UVRAG: variants seen among roughly 807,000 people sequenced by gnomAD.
UVRAG encodes the protein UV radiation resistance-associated gene protein.
Under a neutral mutation model 78.0 loss-of-function variants are expected in UVRAG, and 19 were observed. That is an observed-to-expected ratio of 0.24 (90% CI 0.17 to 0.36). The LOEUF (loss-of-function observed/expected upper bound fraction) is 0.36, where lower values mean the gene tolerates loss of function less well. Among genes scored for constraint, UVRAG ranks in the 10% least tolerant of loss-of-function variants. The pLI is 1.00. For missense variants in UVRAG, 740 were observed against 853.8 expected, an observed-to-expected ratio of 0.87 and a Z score of 1.66; for synonymous variants, 323 against 324.6, an observed-to-expected ratio of 1.00 and a Z score of 0.05.
In UVRAG at chr11:76,141,567, G is replaced by C; in HGVS notation, c.*154G>C. 1.2e-6 allele frequency: 1 copy of C among 819,642 alleles called. No homozygotes were observed. The highest frequency in any genetic ancestry group is 1.8e-6 in the Non-Finnish European group (1 of 542,044). The allele number at this position is 819,642 out of a possible 1,614,324, so 50.8% of individuals were successfully genotyped here. On this transcript the variant is annotated 3_prime_UTR_variant, in exon 15 of 15. Coordinates refer to ENST00000356136, the MANE Select transcript of UVRAG (RefSeq NM_003369.4). ...ACTTTGGGAATGAAGGAGGGACTCA[G>C]GATCATTGTTATCAGTGGGCCAAAG...
At chr11:76,009,752 C>A (rs1440014167) in intron 11 of UVRAG, among the ~76,000 whole-genome samples, 1 of 152,118 alleles carries the variant, frequency 6.6e-6, no homozygotes, top group Non-Finnish European at 1.5e-5. Context: ...GAGTGATAAA[C>A]CAGGAGTTGG....
chr11:75,818,327 GT>G (rs879630088), intron 1 of UVRAG, among the ~76,000 whole-genome samples: 26 of 145,272 alleles, frequency 1.8e-4, no homozygotes, highest in Non-Finnish European at 3.0e-4. Flanking sequence ...TATGTCTAAT[GT>G]TTTTTTTTTA....
At chr11:75,980,930 C>T (rs931128690) in intron 7 of UVRAG, among the ~76,000 whole-genome samples, 6 of 152,098 alleles carry the variant, frequency 3.9e-5, no homozygotes, top group African/African-American at 9.7e-5. Flanking sequence ...ATCCACGTGC[C>T]TCAGTCTCCC....
intron 4 of UVRAG, among the ~76,000 whole-genome samples, chr11:75,884,837 G>A (rs1360556502): frequency 1.3e-5 from 2 of 151,942 alleles, no homozygotes; most frequent in Non-Finnish European, 2.9e-5. Context: ...CTTCAACTTT[G>A]TTCTTTTTTC....
intron 13 of UVRAG, among the ~76,000 whole-genome samples, chr11:76,081,899 C>A (rs1057471377): frequency 7.1e-6 from 1 of 141,268 alleles, no homozygotes; most frequent in South Asian, 2.2e-4. Context: ...ATGATAGGGA[C>A]GAATTTCACC....
chr11:76,008,820 AT>A lies in UVRAG; in HGVS notation c.1015del (p.Tyr339ThrfsTer35). The A allele has an allele frequency of 6.8e-7, 1 of 1,480,480 alleles. No homozygotes were observed. Among genetic ancestry groups the A allele is most frequent in the Non-Finnish European group, 9.1e-7 (1 of 1,097,778 alleles). The allele number at this position is 1,480,480 out of a possible 1,614,324, so 91.7% of individuals were successfully genotyped here. Reference sequence around the variant, plus strand: ...TTAAATTCACAGAATGAACATAAGGATTACTTTGTATGCGGTGTCAAGTTGC... The same window carrying A: ...TTAAATTCACAGAATGAACATAAGGATACTTTGTATGCGGTGTCAAGTTGC... The part of the protein sequence containing the change: ...IYPIDLNEHK[D>X]YFVCGVKLPN... On this transcript the variant is annotated frameshift_variant, in exon 11 of 15. Coordinates refer to ENST00000356136, the MANE Select transcript of UVRAG (RefSeq NM_003369.4). LOFTEE classifies it high-confidence loss of function.
intron 6 of UVRAG, among the ~76,000 whole-genome samples, chr11:75,944,988 A>G (rs1948561380): frequency 6.6e-6 from 1 of 152,124 alleles, no homozygotes; most frequent in Non-Finnish European, 1.5e-5. Flanking sequence ...TATTAAATTG[A>G]TAGACATGTA....
At chr11:75,926,789 T>C (rs1016578588) in intron 6 of UVRAG, among the ~76,000 whole-genome samples, 1 of 151,966 alleles carries the variant, frequency 6.6e-6, no homozygotes, top group Non-Finnish European at 1.5e-5. Context: ...ATAGAGGATA[T>C]TTAGAGAATA....
At chr11:75,993,821 C>G (rs1032206939) in intron 8 of UVRAG, among the ~76,000 whole-genome samples, 1 of 152,118 alleles carries the variant, frequency 6.6e-6, no homozygotes, top group Non-Finnish European at 1.5e-5. Context: ...ATGCCAACAT[C>G]TGCTCCAGGT....
At chr11:75,986,226 C>G (rs767570609) in intron 8 of UVRAG, among the ~76,000 whole-genome samples, 30 of 152,242 alleles carry the variant, frequency 2.0e-4, no homozygotes, top group African/African-American at 7.0e-4. Context: ...ATCTTCTTTA[C>G]AAAACGTTAT....
chr11:75,901,938 T>G (rs1947512823), intron 5 of UVRAG, among the ~76,000 whole-genome samples: 1 of 152,204 alleles, frequency 6.6e-6, no homozygotes, highest in Non-Finnish European at 1.5e-5. Flanking sequence ...CCGTAGCACC[T>G]TGTATTACAT....
At chr11:75,946,713 C>T (rs1177411917) in intron 6 of UVRAG, among the ~76,000 whole-genome samples, 5 of 152,184 alleles carry the variant, frequency 3.3e-5, no homozygotes. Context: ...CTGTCAGCCC[C>T]ATTGAGGCCA....
intron 1 of UVRAG, among the ~76,000 whole-genome samples, chr11:75,832,804 C>CA (rs1448319278): frequency 2.0e-5 from 3 of 152,192 alleles, no homozygotes; most frequent in Non-Finnish European, 4.4e-5. Context: ...CATTAGCATG[C>CA]AAAAGACACT....
intron 6 of UVRAG, among the ~76,000 whole-genome samples, chr11:75,920,008 G>GTTTTTTTTTTTTTTTTTTTTTTTTT (rs140217190): frequency 7.2e-5 from 4 of 55,492 alleles, no homozygotes; most frequent in African/African-American, 1.2e-4. Flanking sequence ...AATAATTTTG[G>GTTTTTTTTTTTTTTTTTTTTTTTTT]TTTTTTTTTT....
chr11:75,929,461 G>A (rs2135099063), intron 6 of UVRAG, among the ~76,000 whole-genome samples: 1 of 152,174 alleles, frequency 6.6e-6, no homozygotes, highest in South Asian at 2.1e-4. Flanking sequence ...GGGTGCAGTC[G>A]CTGAAACTCC....
intron 13 of UVRAG, among the ~76,000 whole-genome samples, chr11:76,105,841 G>A (rs918067415): frequency 1.4e-4 from 22 of 152,210 alleles, no homozygotes; most frequent in African/African-American, 4.8e-4. Flanking sequence ...ACAGTATCAA[G>A]TGCTGATAAC....
intron 1 of UVRAG, among the ~76,000 whole-genome samples, chr11:75,838,746 A>G (rs1203999730): frequency 6.6e-6 from 1 of 152,216 alleles, no homozygotes; most frequent in African/African-American, 2.4e-5. Context: ...TCCAAAACTC[A>G]TGTTGAAATT....
At chr11:75,922,920 C>T (rs566327687) in intron 6 of UVRAG, among the ~76,000 whole-genome samples, 42 of 132,830 alleles carry the variant, frequency 3.2e-4, no homozygotes, top group African/African-American at 1.0e-3. Context: ...GCGACAAGAG[C>T]GAAACTACAT....
chr11:75,889,666 A>C (rs1304692100), intron 5 of UVRAG, among the ~76,000 whole-genome samples: 1 of 152,176 alleles, frequency 6.6e-6, no homozygotes, highest in East Asian at 1.9e-4. Context: ...TGCTTAGAGT[A>C]CTTCATTTAT....
Sources: allele counts gnomAD v4.1 joint callset (sites outside exome capture counted in the v4.1 genomes callset), GRCh38; gene constraint gnomAD v4.1.1; transcripts MANE v1.5; gene names NCBI Gene and HGNC (gene_info 2026-07-23, HGNC 2026-07-21).